OR9Q1: variants seen among roughly 807,000 people sequenced by gnomAD.
OR9Q1 encodes the protein olfactory receptor family 9 subfamily Q member 1.
For synonymous variants in OR9Q1, 153 were observed against 148.6 expected (o/e 1.03, Z -0.22); for missense variants, 374 against 378.8 (o/e 0.99, Z 0.11).
chr11:58,153,397 C>T (rs921442), intron 2 of OR9Q1, among the ~76,000 whole-genome samples: 26,676 of 151,916 alleles, frequency 0.18, 2,567 homozygotes, highest in African/African-American at 0.22. Flanking sequence ...ATTGTAGATA[C>T]ATGGTTTCTT....
At chr11:58,092,606 T>G (rs77258080) in intron 2 of OR9Q1, among the ~76,000 whole-genome samples, 1 of 152,208 alleles carries the variant, frequency 6.6e-6, no homozygotes, top group Non-Finnish European at 1.5e-5. Context: ...GCCACAATTA[T>G]GCATTTTCAG....
At chr11:58,146,849 G>A (rs987179018) in intron 2 of OR9Q1, among the ~76,000 whole-genome samples, 2 of 152,218 alleles carry the variant, frequency 1.3e-5, no homozygotes, top group Non-Finnish European at 2.9e-5. Flanking sequence ...TGTAGCATGA[G>A]GGAGCAGGGC....
At chr11:58,127,372 C>T (rs1854100250) in intron 2 of OR9Q1, among the ~76,000 whole-genome samples, 1 of 152,098 alleles carries the variant, frequency 6.6e-6, no homozygotes, top group Non-Finnish European at 1.5e-5. Flanking sequence ...GAAGGAGAAA[C>T]CTGTAAGGGA....
intron 2 of OR9Q1, among the ~76,000 whole-genome samples, chr11:58,164,290 G>A (rs1361169393): frequency 6.6e-6 from 1 of 152,100 alleles, no homozygotes; most frequent in Non-Finnish European, 1.5e-5. Context: ...GAGTTAATAA[G>A]AAAAACGGAT....
At position 58,063,613 on chromosome 11, in the gene OR9Q1, C is replaced by G. The variant is rs1192450897; in HGVS notation, c.-15+7666C>G. On this transcript the variant is annotated intron_variant, in intron 2 of 2. Transcript: ENST00000335397. ...GACTGACGATAGGTACATATCACTC[C>G]TCCTAGAGAATAAAGTGTTTGCATC... is the stretch of plus-strand genomic sequence containing the variant. 2.0e-5 allele frequency among the ~76,000 whole-genome samples: 3 copies of G among 152,244 alleles called. No homozygotes were observed. In the East Asian group the frequency reaches 5.8e-4, roughly 29 times the overall value.
chr11:58,069,997 A>T (rs1853471108), intron 2 of OR9Q1, among the ~76,000 whole-genome samples: 1 of 151,632 alleles, frequency 6.6e-6, no homozygotes, highest in Non-Finnish European at 1.5e-5. Context: ...CTCTTTTTTT[A>T]ATTATTATTT....
At chr11:58,082,242 C>T (rs938977618) in intron 2 of OR9Q1, among the ~76,000 whole-genome samples, 2 of 152,116 alleles carry the variant, frequency 1.3e-5, no homozygotes, top group African/African-American at 2.4e-5. Flanking sequence ...TAGCATTTGA[C>T]CCAGCCATCC....
chr11:58,179,997 T>C lies in OR9Q1; in HGVS notation c.553T>C (p.Leu185=). 1 of 1,614,050 alleles carries C rather than the reference T, an allele frequency of 6.2e-7. No individual in the cohort carries two copies. Among genetic ancestry groups the C allele is most frequent in the South Asian group, 1.1e-5 (1 of 91,068 alleles). ...DFIFCDLPPL[L]KLTCGESYTQ... is the part of the protein sequence containing the mutation. Reference sequence around the variant, plus strand: ...TATTTTCTGTGACCTCCCTCCTCTGTTAAAGTTGACCTGTGGGGAGAGCTA... The same window carrying C: ...TATTTTCTGTGACCTCCCTCCTCTGCTAAAGTTGACCTGTGGGGAGAGCTA... The change falls in exon 3 of 3, where the codon TTA becomes CTA. Residue 185 remains leucine (L), a synonymous_variant. Coordinates refer to ENST00000335397, the MANE Select transcript of OR9Q1 (RefSeq NM_001005212.4).
chr11:58,107,019 T>C (rs1222501997), intron 2 of OR9Q1, among the ~76,000 whole-genome samples: 1 of 152,212 alleles, frequency 6.6e-6, no homozygotes. Flanking sequence ...CATTGGGATT[T>C]TGATGGGAAT....
chr11:58,090,403 C>T (rs1318459542), intron 2 of OR9Q1, among the ~76,000 whole-genome samples: 2 of 152,116 alleles, frequency 1.3e-5, no homozygotes, highest in African/African-American at 4.8e-5. Context: ...TTGAGGTAAT[C>T]ATTTGGTTTT....
chr11:58,070,924 C>T (rs1490374165), intron 2 of OR9Q1, among the ~76,000 whole-genome samples: 1 of 152,178 alleles, frequency 6.6e-6, no homozygotes, highest in Non-Finnish European at 1.5e-5. Flanking sequence ...CTTCTGCTAC[C>T]CACAGATGTC....
chr11:58,105,564 A>C (rs868298267), intron 2 of OR9Q1, among the ~76,000 whole-genome samples: 2 of 152,184 alleles, frequency 1.3e-5, no homozygotes, highest in Non-Finnish European at 2.9e-5. Context: ...ATTGTTAACT[A>C]TAGGCTCTAG....
chr11:58,032,804 TTGACA>T (rs1401642829), intron 1 of OR9Q1, among the ~76,000 whole-genome samples: 1 of 152,172 alleles, frequency 6.6e-6, no homozygotes, highest in Non-Finnish European at 1.5e-5. Context: ...AAATAAACTG[TTGACA>T]TGACAAACAG....
At chr11:58,157,096 G>A (rs922799289) in intron 2 of OR9Q1, among the ~76,000 whole-genome samples, 15 of 152,206 alleles carry the variant, frequency 9.9e-5, no homozygotes, top group African/African-American at 3.6e-4. Context: ...CCAACCAACT[G>A]CTAGGCTTGC....
At chr11:58,158,514 A>G (rs1854429215) in intron 2 of OR9Q1, among the ~76,000 whole-genome samples, 2 of 151,314 alleles carry the variant, frequency 1.3e-5, no homozygotes, top group Admixed American at 1.3e-4. Context: ...ACACAGCAAG[A>G]GTCCAGGTCC....
At chr11:58,154,019 G>T (rs1854379797) in intron 2 of OR9Q1, among the ~76,000 whole-genome samples, 1 of 151,972 alleles carries the variant, frequency 6.6e-6, no homozygotes, top group South Asian at 2.1e-4. Flanking sequence ...GAGAGAAAAG[G>T]CCAGAAAGCT....
At chr11:58,148,092 A>G (rs1327299030) in intron 2 of OR9Q1, among the ~76,000 whole-genome samples, 1 of 152,204 alleles carries the variant, frequency 6.6e-6, no homozygotes, top group African/African-American at 2.4e-5. Context: ...ACCCATTAAA[A>G]TCAATTCACC....
At chr11:58,077,568 G>A (rs1247653218) in intron 2 of OR9Q1, 2 of 152,118 alleles carry the variant, frequency 1.3e-5, no homozygotes, top group Non-Finnish European at 2.9e-5. Flanking sequence ...AGGCACAAGT[G>A]GATGGATAAA....
intron 2 of OR9Q1, among the ~76,000 whole-genome samples, chr11:58,148,384 C>G (rs749359014): frequency 6.6e-5 from 10 of 152,128 alleles, no homozygotes; most frequent in Middle Eastern, 3.4e-3. Flanking sequence ...CAGATAAGAG[C>G]AAAAACAACC....
Sources: allele counts gnomAD v4.1 joint callset (sites outside exome capture counted in the v4.1 genomes callset), GRCh38; gene constraint gnomAD v4.1.1; transcripts MANE v1.5; gene names NCBI Gene and HGNC (gene_info 2026-07-23, HGNC 2026-07-21).